The following TRDN variants were observed in gnomAD, a reference collection of about 807,000 sequenced individuals.
TRDN encodes triadin.
A neutral mutation model predicts 149.7 loss-of-function variants in TRDN; 161 were observed. The ratio of observed to expected loss-of-function variants is 1.08; its 90% CI spans 0.95 to 1.23. TRDN has a LOEUF of 1.23. Ranked by LOEUF, TRDN falls within the 50% of genes most tolerant of loss-of-function variation. The probability of loss-of-function intolerance (pLI) is 0.00; values close to 1 mark genes in which losing one functional copy is unlikely to be tolerated. For missense variants in TRDN, 896 were observed against 823.5 expected (o/e 1.09, Z -1.08); for synonymous variants, 294 against 250.5 (o/e 1.17, Z -1.64).
chr6:123,478,308 G>T (rs77922941), intron 9 of TRDN, among the ~76,000 whole-genome samples: 6,009 of 152,156 alleles, frequency 0.039, 350 homozygotes, highest in African/African-American at 0.12. Flanking sequence ...GACGTTGAAT[G>T]GACTTGATAT....
intron 4 of TRDN, among the ~76,000 whole-genome samples, chr6:123,545,907 A>T (rs1781087716): frequency 6.6e-6 from 1 of 152,084 alleles, no homozygotes. Flanking sequence ...AAAAGAAAAG[A>T]TTTTTTATTA....
intron 33 of TRDN, among the ~76,000 whole-genome samples, chr6:123,262,770 T>C (rs951253342): frequency 6.6e-6 from 1 of 152,082 alleles, no homozygotes; most frequent in African/African-American, 2.4e-5. Flanking sequence ...ACATCTGTTA[T>C]GGTGGTCTGT....
At chr6:123,235,335 C>T (rs1455655625) in intron 38 of TRDN, among the ~76,000 whole-genome samples, 1 of 152,024 alleles carries the variant, frequency 6.6e-6, no homozygotes, top group Non-Finnish European at 1.5e-5. Context: ...CTGGAACCTT[C>T]AGATACCCTG....
At chr6:123,520,628 T>C (rs1779627837) in intron 5 of TRDN, among the ~76,000 whole-genome samples, 1 of 152,226 alleles carries the variant, frequency 6.6e-6, no homozygotes, top group Non-Finnish European at 1.5e-5. Flanking sequence ...GTTGTAAAGC[T>C]AATCTGATAC....
intron 9 of TRDN, among the ~76,000 whole-genome samples, chr6:123,465,582 C>CAAAAAAAA (rs1223948612): frequency 1.1e-4 from 7 of 65,524 alleles, no homozygotes; most frequent in Admixed American, 1.8e-4. Context: ...TTATGAACTG[C>CAAAAAAAA]AAAAAAAAAA....
intron 21 of TRDN, among the ~76,000 whole-genome samples, chr6:123,348,371 A>AT (rs1191229727): frequency 1.3e-5 from 2 of 152,078 alleles, no homozygotes; most frequent in Non-Finnish European, 2.9e-5. Flanking sequence ...GTAACAATGC[A>AT]TTTTTACATA....
chr6:123,584,883 C>T (rs1053118591), intron 1 of TRDN, among the ~76,000 whole-genome samples: 57 of 152,176 alleles, frequency 3.7e-4, no homozygotes, highest in African/African-American at 7.2e-4. Context: ...GTTGATAAGG[C>T]GCAGATCCTG....
rs145702088 is a variant in TRDN at position 123,221,681 on chromosome 6, T to C, written c.2015-159A>G. Among the ~76,000 whole-genome samples, 876 of 151,814 alleles carry C rather than the reference T, an allele frequency of 5.8e-3. 10 individuals are homozygous for C. Among genetic ancestry groups the C allele is most frequent in the African/African-American group, 0.02 (843 of 41,494 alleles). On this transcript the variant is annotated intron_variant, in intron 39 of 40. Coordinates refer to ENST00000334268, the MANE Select transcript of TRDN (RefSeq NM_006073.4). ...CAGATTTGTACACAGATTCTATTCA[T>C]ATTTTCACTGTAAAATTTAATAGGC...
chr6:123,454,653 G>A (rs1758600512), intron 10 of TRDN, among the ~76,000 whole-genome samples: 1 of 152,196 alleles, frequency 6.6e-6, no homozygotes, highest in South Asian at 2.1e-4. Flanking sequence ...GTGCACAGCA[G>A]GAGGTGAGCA....
chr6:123,475,746 G>A, intron 9 of TRDN, among the ~76,000 whole-genome samples: 1 of 137,310 alleles, frequency 7.3e-6, no homozygotes. Context: ...ATGCAAGGCT[G>A]GTTCAATATA....
chr6:123,372,296 C>A (rs1442290844), intron 19 of TRDN, among the ~76,000 whole-genome samples: 1 of 152,010 alleles, frequency 6.6e-6, no homozygotes, highest in Non-Finnish European at 1.5e-5. Flanking sequence ...CCTAAATGAT[C>A]TTGACATATA....
At chr6:123,474,008 C>T (rs1019572381) in intron 9 of TRDN, among the ~76,000 whole-genome samples, 10 of 152,082 alleles carry the variant, frequency 6.6e-5, no homozygotes, top group Admixed American at 3.9e-4. Context: ...ACGTAAAGAC[C>T]ATCGAGACTA....
chr6:123,497,288 T>C (rs537377267), intron 8 of TRDN, 36 bp from the exon 9 acceptor site: 1 of 1,393,272 alleles, frequency 7.2e-7, no homozygotes, highest in Admixed American at 2.9e-5. Flanking sequence ...AATGAAAAAA[T>C]GTCATCAACA....
At chr6:123,336,701 A>G (rs1425147186) in intron 22 of TRDN, among the ~76,000 whole-genome samples, 1 of 151,874 alleles carries the variant, frequency 6.6e-6, no homozygotes, top group Non-Finnish European at 1.5e-5. Flanking sequence ...TAGATGCAGA[A>G]TAAATAATTG....
intron 1 of TRDN, among the ~76,000 whole-genome samples, chr6:123,634,299 G>A (rs1786175042): frequency 6.6e-6 from 1 of 151,794 alleles, no homozygotes; most frequent in Non-Finnish European, 1.5e-5. Flanking sequence ...AAATTAGCCA[G>A]GCATGGTGGT....
chr6:123,288,482 T>A (rs1167481908), intron 24 of TRDN, among the ~76,000 whole-genome samples: 1 of 152,028 alleles, frequency 6.6e-6, no homozygotes, highest in East Asian at 1.9e-4. Flanking sequence ...AAATCATACT[T>A]CTGATAAAGG....
At chr6:123,271,497 C>T (rs1047218662) in intron 29 of TRDN, among the ~76,000 whole-genome samples, 8 of 151,864 alleles carry the variant, frequency 5.3e-5, no homozygotes, top group Non-Finnish European at 8.8e-5. Context: ...AGAGGTACTG[C>T]TTTATAAAAT....
chr6:123,448,671 A>G (rs1775557080), intron 10 of TRDN, among the ~76,000 whole-genome samples: 1 of 151,904 alleles, frequency 6.6e-6, no homozygotes, highest in Non-Finnish European at 1.5e-5. Context: ...AGAAGACAAA[A>G]GGCCACGCCC....
intron 24 of TRDN, among the ~76,000 whole-genome samples, chr6:123,292,542 T>C (rs1261820229): frequency 6.6e-6 from 1 of 152,178 alleles, no homozygotes; most frequent in East Asian, 1.9e-4. Context: ...ATTACTCTTC[T>C]TCAGAGAGGA....
Sources: allele counts gnomAD v4.1 joint callset (sites outside exome capture counted in the v4.1 genomes callset), GRCh38; gene constraint gnomAD v4.1.1; transcripts MANE v1.5; gene names NCBI Gene and HGNC (gene_info 2026-07-23, HGNC 2026-07-21).